Variants in RAD21L1 observed in about 807,000 individuals in gnomAD.
RAD21L1 encodes double-strand-break repair protein rad21-like protein 1.
Under a neutral mutation model 69.0 loss-of-function variants are expected in RAD21L1, and 47 were observed. The ratio of observed to expected loss-of-function variants is 0.68; its 90% confidence interval spans 0.54 to 0.87. The LOEUF is 0.87. RAD21L1 is among the 40% of genes least tolerant of loss of function. The pLI is 0.00. For missense variants in RAD21L1, 583 were observed against 647.6 expected, an observed-to-expected ratio of 0.90 and a Z score of 1.08; for synonymous variants, 177 against 205.8, an observed-to-expected ratio of 0.86 and a Z score of 1.20.
chr20:1,240,545 A>G, intron 8 of RAD21L1, 111 bp downstream of exon 8: 2 of 1,413,758 alleles, frequency 1.4e-6, no homozygotes, highest in Non-Finnish European at 1.8e-6. Flanking sequence ...ATCTAGTAAT[A>G]GCACTTGTAA....
At chr20:1,226,746 T>C (rs1184503493) in intron 1 of RAD21L1, among the ~76,000 whole-genome samples, 1 of 151,866 alleles carries the variant, frequency 6.6e-6, no homozygotes, top group Admixed American at 6.6e-5. Flanking sequence ...CTCCGGGACG[T>C]GGGGCGGGAG....
intron 5 of RAD21L1, among the ~76,000 whole-genome samples, chr20:1,234,715 T>G (rs1159521309): frequency 6.6e-6 from 1 of 152,208 alleles, no homozygotes; most frequent in Non-Finnish European, 1.5e-5. Context: ...TTTTAAAATG[T>G]TAAACTCTTG....
chr20:1,230,541 T>C (rs981179605), intron 3 of RAD21L1: 1 of 524,692 alleles, frequency 1.9e-6, no homozygotes, highest in Non-Finnish European at 2.4e-6. Flanking sequence ...TTTTATTTTC[T>C]ACCTTGTATT....
At chr20:1,247,021 T>G (rs2087730443) in intron 12 of RAD21L1, among the ~76,000 whole-genome samples, 1 of 152,222 alleles carries the variant, frequency 6.6e-6, no homozygotes, top group Non-Finnish European at 1.5e-5. Context: ...TTGATTGTTT[T>G]TCATACAAGG....
intron 1 of RAD21L1, among the ~76,000 whole-genome samples, chr20:1,227,167 T>A (rs986326464): frequency 6.6e-6 from 1 of 152,212 alleles, no homozygotes; most frequent in African/African-American, 2.4e-5. Context: ...CGCCTCAGCC[T>A]CCCACAGTGC....
chr20:1,227,918 TGAA>T, intron 1 of RAD21L1, among the ~76,000 whole-genome samples: 1 of 152,320 alleles, frequency 6.6e-6, no homozygotes, highest in Non-Finnish European at 1.5e-5. Flanking sequence ...AAAATATTGT[TGAA>T]TAAACCAGAG....
intron 11 of RAD21L1, among the ~76,000 whole-genome samples, chr20:1,245,298 A>C (rs1350804805): frequency 2.6e-5 from 4 of 152,238 alleles, no homozygotes; most frequent in Admixed American, 1.3e-4. Context: ...GGACAAGAGA[A>C]TATTGATTCT....
chr20:1,253,497 A>G (rs915385006), intron 13 of RAD21L1, among the ~76,000 whole-genome samples: 4 of 152,116 alleles, frequency 2.6e-5, no homozygotes, highest in Non-Finnish European at 5.9e-5. Context: ...AGGTTTCACC[A>G]TGTTTGCCAG....
chr20:1,233,778 T>C (rs2087441539), intron 4 of RAD21L1, among the ~76,000 whole-genome samples: 1 of 152,090 alleles, frequency 6.6e-6, no homozygotes, highest in African/African-American at 2.4e-5. Context: ...TACCATCACA[T>C]TGGAGATTAG....
chr20:1,231,708 TAAC>T, intron 4 of RAD21L1, 89 bp downstream of exon 4: 1 of 689,742 alleles, frequency 1.4e-6, no homozygotes, highest in East Asian at 2.8e-5. Context: ...GGAATGTAGT[TAAC>T]AACTGCACAA....
At chr20:1,247,497 G>A (rs1255077042) in intron 12 of RAD21L1, among the ~76,000 whole-genome samples, 2 of 152,112 alleles carry the variant, frequency 1.3e-5, no homozygotes, top group Admixed American at 6.6e-5. Context: ...ATCATAAATT[G>A]TAGCTGAAGG....
chr20:1,238,337 T>G, intron 6 of RAD21L1, 123 bp downstream of exon 6: 1 of 628,462 alleles, frequency 1.6e-6, no homozygotes, highest in Non-Finnish European at 2.4e-6. Flanking sequence ...AGGTCAATAC[T>G]TTTTTTTATA....
In RAD21L1 at chr20:1,254,317, A is replaced by G. The variant is rs1434940773; in HGVS notation, c.1528A>G (p.Arg510Gly). The change falls in exon 14 of 14, where the codon AGA (arginine) becomes GGA (glycine). Residue 510 changes from arginine (R) to glycine (G), a missense_variant. Coordinates refer to ENST00000683101, the MANE Select transcript of RAD21L1 (RefSeq NM_001384355.1). ...GTCCTTTAGTCTGATGAAGCTCTGT[A>G]GAAATAGTGACCGAAAACAAGCAGC... ...MQSFSLMKLC[R>G]NSDRKQAAAK... The G allele has an allele frequency of 4.5e-6, 7 of 1,551,186 alleles. No homozygotes were observed. Among genetic ancestry groups the G allele is most frequent in the Non-Finnish European group, 6.1e-6 (7 of 1,146,812 alleles).
At position 1,242,846 on chromosome 20, in the gene RAD21L1, G is replaced by C. The variant is rs1272581071; in HGVS notation, c.1083+1G>C. On this transcript the variant is annotated splice_donor_variant, in intron 9 of 13. Transcript: ENST00000683101. LOFTEE classifies it high-confidence loss of function. ...TTTGATTCATGCTGAACTGAAAATG[G>C]TAACGGTTCCTACCCTTCTACATGT... The C allele has an allele frequency of 2.6e-6, 4 of 1,543,804 alleles. No homozygotes were observed. The highest frequency in any genetic ancestry group is 3.5e-6 in the Non-Finnish European group (4 of 1,139,884).
intron 3 of RAD21L1, among the ~76,000 whole-genome samples, chr20:1,231,107 G>A (rs79331986): frequency 0.022 from 3,344 of 152,242 alleles, 150 homozygotes; most frequent in African/African-American, 0.076. Context: ...ACCCAGCCAT[G>A]TAAAAAGTCC....
At chr20:1,251,984 G>C (rs908105038) in intron 13 of RAD21L1, among the ~76,000 whole-genome samples, 1 of 152,060 alleles carries the variant, frequency 6.6e-6, no homozygotes, top group Non-Finnish European at 1.5e-5. Flanking sequence ...TATCAAACCA[G>C]AAAAACTTTC....
intron 13 of RAD21L1, among the ~76,000 whole-genome samples, chr20:1,252,567 A>G (rs1050810037): frequency 2.0e-5 from 3 of 151,108 alleles, no homozygotes; most frequent in African/African-American, 7.3e-5. Context: ...ACACTTCACC[A>G]TCCACAGCAC....
chr20:1,244,506 T>C (rs1344185643), intron 11 of RAD21L1, among the ~76,000 whole-genome samples: 1 of 152,180 alleles, frequency 6.6e-6, no homozygotes, highest in Non-Finnish European at 1.5e-5. Context: ...GTTTTAGAAC[T>C]GCAGCCAGTA....
chr20:1,228,610 T>C lies in RAD21L1; in HGVS notation c.144+13T>C. On this transcript the variant is annotated intron_variant, in intron 2 of 13. Transcript: ENST00000683101. ...TCTTTCACCCAAGGTATGTTACTGATTAAAATGATAGCTTGTATTTATCAT... is the reference window on the plus strand; with the variant it reads ...TCTTTCACCCAAGGTATGTTACTGACTAAAATGATAGCTTGTATTTATCAT... 6.7e-7 allele frequency: 1 copy of C among 1,496,180 alleles called. No homozygotes were observed. The highest frequency in any genetic ancestry group is 9.0e-7 in the Non-Finnish European group (1 of 1,113,406). 92.7% of individuals were successfully genotyped at this position (1,496,180 alleles called of 1,614,324 possible).
Sources: gnomAD v4.1 joint callset for allele counts (sites outside exome capture counted in the v4.1 genomes callset) on GRCh38, gnomAD v4.1.1 for gene constraint, MANE v1.5 for transcripts, NCBI Gene and HGNC (gene_info 2026-07-23, HGNC 2026-07-21) for gene names.